Variants in PCDHA12 observed in about 807,000 individuals in gnomAD.
The protein encoded by PCDHA12 is protocadherin alpha 12.
A neutral mutation model predicts 60.0 loss-of-function variants in PCDHA12; 44 were observed. The ratio of observed to expected loss-of-function variants is 0.73; its 90% confidence interval spans 0.58 to 0.94. PCDHA12 has a LOEUF of 0.94. Among genes scored for constraint, PCDHA12 ranks in the 40% least tolerant of loss-of-function variants. The probability of loss-of-function intolerance (pLI) is 0.00; values close to 1 mark genes in which losing one functional copy is unlikely to be tolerated. For missense variants in PCDHA12, 1,276 were observed against 1,239.7 expected (o/e 1.03, Z -0.44); for synonymous variants, 569 against 553.0 (o/e 1.03, Z -0.40).
At chr5:140,967,980 A>C in intron 1 of PCDHA12, 1 of 1,614,198 alleles carries the variant, frequency 6.2e-7, no homozygotes, top group South Asian at 1.1e-5. Context: ...CTGGGTCTGG[A>C]GGCCACACTG....
intron 1 of PCDHA12, among the ~76,000 whole-genome samples, chr5:140,938,931 A>T (rs1371527205): frequency 6.6e-6 from 1 of 152,044 alleles, no homozygotes; most frequent in African/African-American, 2.4e-5. Context: ...TTGGCTTTTA[A>T]CTTTCCATTC....
At chr5:140,921,832 A>G (rs1276240870) in intron 1 of PCDHA12, among the ~76,000 whole-genome samples, 1 of 152,120 alleles carries the variant, frequency 6.6e-6, no homozygotes, top group African/African-American at 2.4e-5. Flanking sequence ...CTATACACAT[A>G]TAGACATATT....
At position 140,928,683 on chromosome 5, in the gene PCDHA12, C is replaced by T. The variant is rs868920923; in HGVS notation, c.2368-50266C>T. ...ACAGTGGTTCTAATGCCTGGCTTTC[C>T]TACCACATCTCCCGGGCGTCTGACT... On this transcript the variant is annotated intron_variant, in intron 1 of 3. Transcript: ENST00000398631. 3.7e-6 allele frequency: 6 copies of T among 1,614,172 alleles called. No individual in the cohort carries two copies. In the Middle Eastern group the frequency reaches 6.6e-4, roughly 178 times the overall value.
chr5:140,967,404 A>C (rs2096137449), intron 1 of PCDHA12: 1 of 1,612,076 alleles, frequency 6.2e-7, no homozygotes, highest in Non-Finnish European at 8.5e-7. Flanking sequence ...GTGCTGCGTA[A>C]GGGCCTAGAC....
At chr5:140,926,620 C>G in intron 1 of PCDHA12, 1 of 385,534 alleles carries the variant, frequency 2.6e-6, no homozygotes, top group Admixed American at 4.4e-5. Context: ...CACCCCTAGG[C>G]GGCGCTGCGC....
chr5:140,988,694 C>T (rs1328459106), intron 3 of PCDHA12, among the ~76,000 whole-genome samples: 1 of 152,180 alleles, frequency 6.6e-6, no homozygotes, highest in Non-Finnish European at 1.5e-5. Flanking sequence ...CCTAGACGCT[C>T]TGTATTTTCT....
At chr5:140,916,539 A>G (rs114063131) in intron 1 of PCDHA12, among the ~76,000 whole-genome samples, 1,727 of 152,262 alleles carry the variant, frequency 0.011, 30 homozygotes, top group African/African-American at 0.038. Context: ...CACCAAGGCA[A>G]TGGGTTTTCT....
chr5:140,877,607 T>C lies in PCDHA12; in HGVS notation c.2135T>C (p.Val712Ala), dbSNP rs782533203. The C allele has an allele frequency of 3.1e-6, 5 of 1,613,712 alleles. No homozygotes were observed. ...ATCTGTGCGGTGTCCAGCCTGCTGG[T>C]GCTCACGCTGCTGCTGTACACTGCG... ...IAICAVSSLLVLTLLLYTALR... is the reference protein window; with the variant it reads ...IAICAVSSLLALTLLLYTALR... Residue 712 changes from valine (V) to alanine (A), a missense_variant, in exon 1 of 4, where the codon GTG becomes GCG. Physicochemically the swap from Val to Ala is moderately conservative, Grantham distance 64. Coordinates refer to ENST00000398631, the MANE Select transcript of PCDHA12 (RefSeq NM_018903.4).
At chr5:140,908,661 G>C (rs530751435) in intron 1 of PCDHA12, among the ~76,000 whole-genome samples, 9 of 152,306 alleles carry the variant, frequency 5.9e-5, no homozygotes, top group African/African-American at 2.2e-4. Flanking sequence ...GCCTGCCAAA[G>C]GCTCCAAATA....
At chr5:140,946,516 C>T (rs551838143) in intron 1 of PCDHA12, among the ~76,000 whole-genome samples, 42 of 151,130 alleles carry the variant, frequency 2.8e-4, no homozygotes, top group African/African-American at 8.3e-4. Flanking sequence ...AAGACCTATC[C>T]GCACTCCCAT....
At position 141,011,477 on chromosome 5, in the gene PCDHA12, T is replaced by C. The variant is rs1256394490; in HGVS notation, c.*1540T>C. 2 of 153,818 alleles carry C rather than the reference T, an allele frequency of 1.3e-5. No homozygotes were observed. Among genetic ancestry groups the C allele is most frequent in the Non-Finnish European group, 2.9e-5 (2 of 68,052 alleles). The allele number at this position is 153,818 out of a possible 1,614,324, so 9.5% of individuals were successfully genotyped here. ...TTTATTGTTGAATGTAATTCCATTA[T>C]ATTTCCTTTTGTACACCTGTGAAAA... On this transcript the variant is annotated 3_prime_UTR_variant, in exon 4 of 4. Transcript: ENST00000398631.
chr5:140,949,961 G>A lies in PCDHA12; in HGVS notation c.2368-28988G>A, dbSNP rs373865946. ...TTGCATTTTTTAGTGGTTGCTGTAA[G>A]GATTACAGCATACATACTTAACTTT... On this transcript the variant is annotated intron_variant, in intron 1 of 3. Transcript: ENST00000398631. Among the ~76,000 whole-genome samples, 68 of 151,658 alleles carry A rather than the reference G, an allele frequency of 4.5e-4. 1 individual carries two copies. The East Asian group carries it at 0.012, about 28-fold the overall frequency.
At chr5:140,892,469 A>T (rs557049666) in intron 1 of PCDHA12, among the ~76,000 whole-genome samples, 1 of 152,184 alleles carries the variant, frequency 6.6e-6, no homozygotes, top group Admixed American at 6.5e-5. Context: ...ACGGTTATTC[A>T]GTTTCCTAGC....
At chr5:140,934,430 G>A (rs1249557283) in intron 1 of PCDHA12, among the ~76,000 whole-genome samples, 1 of 152,108 alleles carries the variant, frequency 6.6e-6, no homozygotes, top group Non-Finnish European at 1.5e-5. Context: ...CAATGCAAGT[G>A]TAAATATAGT....
intron 1 of PCDHA12, among the ~76,000 whole-genome samples, chr5:140,925,671 A>AATAATAATAATG (rs1445697337): frequency 4.7e-4 from 69 of 148,180 alleles, no homozygotes; most frequent in African/African-American, 1.7e-3. Flanking sequence ...TAATAATAAT[A>AATAATAATAATG]ATAATAAAGC....
At chr5:140,915,290 C>G (rs1583944127) in intron 1 of PCDHA12, among the ~76,000 whole-genome samples, 1 of 152,254 alleles carries the variant, frequency 6.6e-6, no homozygotes, top group African/African-American at 2.4e-5. Flanking sequence ...ACTCTTTCTA[C>G]TTAAGATAAG....
chr5:141,010,438 CAAAT>C lies in PCDHA12; in HGVS notation c.*505_*508del, dbSNP rs2098417279. On this transcript the variant is annotated 3_prime_UTR_variant, in exon 4 of 4. Transcript: ENST00000398631. ...TACAAGGAAGGCAAGAAAACAAAGA[CAAAT>C]AAACAGCGGAAGTTATCAGTATGGA... 2.0e-6 allele frequency: 2 copies of C among 998,926 alleles called. No homozygotes were observed. The highest frequency in any genetic ancestry group is 2.8e-6 in the Non-Finnish European group (2 of 704,790). The allele number at this position is 998,926 out of a possible 1,614,324, so 61.9% of individuals were successfully genotyped here.
chr5:140,900,780 C>T (rs1554189418), intron 1 of PCDHA12, among the ~76,000 whole-genome samples: 1 of 152,192 alleles, frequency 6.6e-6, no homozygotes, highest in Admixed American at 6.5e-5. Flanking sequence ...TTTGAGGAAA[C>T]TCCAAACTGT....
At chr5:140,900,290 G>GT (rs1292990700) in intron 1 of PCDHA12, among the ~76,000 whole-genome samples, 2 of 151,548 alleles carry the variant, frequency 1.3e-5, no homozygotes, top group Non-Finnish European at 2.9e-5. Context: ...TTTCTTTTCT[G>GT]TTTTTTTAGA....
Sources: gnomAD v4.1 joint callset for allele counts (sites outside exome capture counted in the v4.1 genomes callset) on GRCh38, gnomAD v4.1.1 for gene constraint, MANE v1.5 for transcripts, NCBI Gene and HGNC (gene_info 2026-07-23, HGNC 2026-07-21) for gene names.